Variants in RNLS observed in about 807,000 individuals in gnomAD.
RNLS encodes renalase, FAD dependent amine oxidase, also known as renalase.
In RNLS, 39 loss-of-function variants were observed where a neutral mutation model predicts 39.8. The observed-to-expected ratio is 0.98, with a 90% CI of 0.76 to 1.28. The LOEUF (loss-of-function observed/expected upper bound fraction) is 1.28, where lower values mean the gene tolerates loss of function less well. Ranked by LOEUF, RNLS falls within the 50% of genes most tolerant of loss-of-function variation. The pLI is 0.00. For missense variants in RNLS, 410 were observed against 413.3 expected (o/e 0.99, Z 0.07); for synonymous variants, 147 against 150.7 (o/e 0.98, Z 0.18).
chr10:88,279,658 G>T (rs879864299), downstream of RNLS, among the ~76,000 whole-genome samples: 1 of 152,038 alleles, frequency 6.6e-6, no homozygotes, highest in African/African-American at 2.4e-5. Context: ...CAGTGTTTCG[G>T]AGATTCACTA....
chr10:88,559,524 C>T (rs1849054325), intron 4 of RNLS, among the ~76,000 whole-genome samples: 1 of 152,114 alleles, frequency 6.6e-6, no homozygotes, highest in South Asian at 2.1e-4. Flanking sequence ...TAGCTCCTAC[C>T]AAATCAGTCC....
chr10:88,581,450 A>G (rs1850549402), intron 3 of RNLS, 117 bp downstream of exon 3: 1 of 830,254 alleles, frequency 1.2e-6, no homozygotes, highest in Admixed American at 3.2e-5. Flanking sequence ...GCTATTGATC[A>G]GCAAATAGAG....
At chr10:88,441,592 A>G (rs1437328827) in intron 4 of RNLS, among the ~76,000 whole-genome samples, 6 of 152,198 alleles carry the variant, frequency 3.9e-5, no homozygotes, top group Admixed American at 3.3e-4. Context: ...AATTAATTCT[A>G]TTTTCACAGT....
At chr10:88,336,330 G>T (rs1847492670) in intron 5 of RNLS, among the ~76,000 whole-genome samples, 1 of 152,214 alleles carries the variant, frequency 6.6e-6, no homozygotes, top group Non-Finnish European at 1.5e-5. Context: ...AGGCTAGGAA[G>T]GGAAGTTTTA....
intron 5 of RNLS, among the ~76,000 whole-genome samples, chr10:88,352,604 G>C (rs577668590): frequency 5.3e-5 from 8 of 152,320 alleles, no homozygotes; most frequent in African/African-American, 1.4e-4. Flanking sequence ...TGGTTTGCCA[G>C]TATCTTATTG....
At position 88,524,423 on chromosome 10, in the gene RNLS, T is replaced by C. The variant is rs114691521; in HGVS notation, c.526+48480A>G. Among the ~76,000 whole-genome samples, 354 of 152,260 alleles carry C rather than the reference T, an allele frequency of 2.3e-3. 2 individuals carry two copies. The highest frequency in any genetic ancestry group is 7.9e-3 in the African/African-American group (329 of 41,566). On this transcript the variant is annotated intron_variant, in intron 4 of 6. Transcript: ENST00000331772. ...GTTCTTAACATTTGTTGAGTATATGTATGAATGAATGAAAGAAATCCTGAC... is the reference window on the plus strand; with the variant it reads ...GTTCTTAACATTTGTTGAGTATATGCATGAATGAATGAAAGAAATCCTGAC...
At chr10:88,327,655 G>C (rs11202716) in intron 5 of RNLS, among the ~76,000 whole-genome samples, 67,311 of 151,562 alleles carry the variant, frequency 0.44, 15,450 homozygotes, top group South Asian at 0.58. Flanking sequence ...TTTAAGATTT[G>C]TTGATTGGCC....
Position 88,293,194 on chromosome 10 carries a change from ATCT to A in RNLS, c.877-7691_877-7689del, listed in dbSNP as rs778611804. Among the ~76,000 whole-genome samples the A allele has an allele frequency of 5.4e-4, 82 of 152,158 alleles. 2 individuals are homozygous for A. The highest frequency in any genetic ancestry group is 4.4e-5 in the Non-Finnish European group (3 of 68,016). On this transcript the variant is annotated intron_variant, in intron 6 of 6. Coordinates refer to ENST00000331772, the MANE Select transcript of RNLS (RefSeq NM_001031709.3). Reference sequence around the variant, plus strand: ...TGACTGGGGAAAACTTTGAGTAATAATCTTCTTGCCTTGGCATTTCCCCTGCTC... The same window carrying A: ...TGACTGGGGAAAACTTTGAGTAATAATCTTGCCTTGGCATTTCCCCTGCTC...
the RNLS span, among the ~76,000 whole-genome samples, chr10:88,266,415 C>T: frequency 6.6e-6 from 1 of 152,112 alleles, no homozygotes; most frequent in East Asian, 1.9e-4. Flanking sequence ...AAAATAACTC[C>T]CCTGATTCCT....
At chr10:88,351,490 C>G (rs914611993) in intron 5 of RNLS, among the ~76,000 whole-genome samples, 1 of 152,160 alleles carries the variant, frequency 6.6e-6, no homozygotes, top group Non-Finnish European at 1.5e-5. Flanking sequence ...ATAGGGAATC[C>G]TTTCCCCATT....
At chr10:88,509,210 T>C (rs1431034962) in intron 4 of RNLS, among the ~76,000 whole-genome samples, 2 of 152,186 alleles carry the variant, frequency 1.3e-5, no homozygotes, top group East Asian at 3.9e-4. Flanking sequence ...AACTGTATGA[T>C]TATGATTTTG....
At chr10:88,539,373 C>A (rs1847930904) in intron 4 of RNLS, among the ~76,000 whole-genome samples, 1 of 152,046 alleles carries the variant, frequency 6.6e-6, no homozygotes, top group Non-Finnish European at 1.5e-5. Context: ...AAGGAGAATG[C>A]AGAAAATAAT....
At chr10:88,578,527 G>C (rs1564918606) in intron 3 of RNLS, among the ~76,000 whole-genome samples, 1 of 152,022 alleles carries the variant, frequency 6.6e-6, no homozygotes, top group Non-Finnish European at 1.5e-5. Context: ...ATAGATAATA[G>C]ATCGGGGTAG....
At chr10:88,260,871 T>A in the RNLS span, among the ~76,000 whole-genome samples, 6 of 152,228 alleles carry the variant, frequency 3.9e-5, no homozygotes, top group African/African-American at 1.4e-4. Context: ...AAATGACTTT[T>A]AAAAATCTAA....
chr10:88,380,637 G>A (rs1270582962), intron 4 of RNLS, among the ~76,000 whole-genome samples: 1 of 152,000 alleles, frequency 6.6e-6, no homozygotes, highest in Admixed American at 6.6e-5. Context: ...GCCAGCCTCG[G>A]CCTCCCGAAG....
intron 5 of RNLS, among the ~76,000 whole-genome samples, chr10:88,349,747 T>C (rs1327024396): frequency 4.0e-5 from 6 of 151,894 alleles, no homozygotes; most frequent in Admixed American, 6.6e-5. Flanking sequence ...TAAGTACATA[T>C]ATACATTGTG....
At chr10:88,357,508 A>T (rs1013457022) in intron 5 of RNLS, among the ~76,000 whole-genome samples, 9 of 152,222 alleles carry the variant, frequency 5.9e-5, no homozygotes, top group African/African-American at 1.9e-4. Flanking sequence ...GGTGGCAACT[A>T]CTTATTGAAT....
intron 4 of RNLS, among the ~76,000 whole-genome samples, chr10:88,473,348 T>A (rs2576181): frequency 4.6e-5 from 7 of 151,982 alleles, no homozygotes; most frequent in Non-Finnish European, 7.4e-5. Flanking sequence ...GATGAGAGTT[T>A]GTCTTGCATG....
intron 4 of RNLS, among the ~76,000 whole-genome samples, chr10:88,430,436 A>C (rs1855063700): frequency 6.6e-6 from 1 of 151,848 alleles, no homozygotes; most frequent in African/African-American, 2.4e-5. Flanking sequence ...TCATCTGTAA[A>C]TAGAGACAGC....
Sources: gnomAD v4.1 joint callset for allele counts (sites outside exome capture counted in the v4.1 genomes callset) on GRCh38, gnomAD v4.1.1 for gene constraint, MANE v1.5 for transcripts, NCBI Gene and HGNC (gene_info 2026-07-23, HGNC 2026-07-21) for gene names.